Variants in PHACTR1 observed in about 807,000 individuals in gnomAD.
PHACTR1 encodes the protein phosphatase and actin regulator 1.
Under a neutral mutation model 69.2 loss-of-function variants are expected in PHACTR1, and 16 were observed. The ratio of observed to expected loss-of-function variants is 0.23; its 90% CI spans 0.16 to 0.35. The LOEUF is 0.35. Ranked by LOEUF, PHACTR1 falls within the 10% of genes least tolerant of loss-of-function variation. The pLI is 1.00. For synonymous variants in PHACTR1, 312 were observed against 284.5 expected, an observed-to-expected ratio of 1.10 and a Z score of -0.97; for missense variants, 510 against 734.7, an observed-to-expected ratio of 0.69 and a Z score of 3.54.
chr6:12,943,622 A>G (rs1790280817), intron 4 of PHACTR1, among the ~76,000 whole-genome samples: 2 of 152,248 alleles, frequency 1.3e-5, no homozygotes, highest in Non-Finnish European at 2.9e-5. Flanking sequence ...CACATTCTCT[A>G]TCCTCAAATA....
Position 13,047,019 on chromosome 6 carries a change from A to G in PHACTR1, c.251-6346A>G, listed in dbSNP as rs534275541. On this transcript the variant is annotated intron_variant, in intron 4 of 14. Transcript: ENST00000332995. ...ATAAGGTAGCTCTGAAAGTGACAGT[A>G]CATTTATAAAAGGGACCTTTCTGAA... 2.6e-5 allele frequency among the ~76,000 whole-genome samples: 4 copies of G among 152,288 alleles called. No individual in the cohort carries two copies. In the East Asian group the frequency reaches 7.7e-4, roughly 29 times the overall value.
intron 4 of PHACTR1, among the ~76,000 whole-genome samples, chr6:12,756,977 A>G (rs1767401789): frequency 6.6e-6 from 1 of 152,226 alleles, no homozygotes; most frequent in Non-Finnish European, 1.5e-5. Flanking sequence ...AACAAATAGC[A>G]TCTTACTTTC....
chr6:12,779,324 A>C (rs540708978), intron 4 of PHACTR1, among the ~76,000 whole-genome samples: 1 of 152,316 alleles, frequency 6.6e-6, no homozygotes, highest in East Asian at 1.9e-4. Context: ...AACAAGAGCA[A>C]AACTCCATCT....
chr6:13,017,185 CAAA>C (rs5874397), intron 4 of PHACTR1, among the ~76,000 whole-genome samples: 1 of 77,230 alleles, frequency 1.3e-5, no homozygotes, highest in Non-Finnish European at 2.3e-5. Flanking sequence ...GACTCTGTCT[CAAA>C]AAAAAAAAAA....
At chr6:12,981,817 CA>C (rs1312884424) in intron 4 of PHACTR1, among the ~76,000 whole-genome samples, 2 of 152,174 alleles carry the variant, frequency 1.3e-5, no homozygotes, top group African/African-American at 4.8e-5. Context: ...CGCATCTTGG[CA>C]TATATATTTT....
At chr6:13,118,089 C>T (rs1270309816) in intron 5 of PHACTR1, among the ~76,000 whole-genome samples, 3 of 152,132 alleles carry the variant, frequency 2.0e-5, no homozygotes, top group South Asian at 4.1e-4. Context: ...CTGTTTCTAC[C>T]GATGAATTAA....
intron 14 of PHACTR1, 149 bp from the exon 15 acceptor site, chr6:13,286,914 G>A: frequency 2.6e-6 from 2 of 763,220 alleles, no homozygotes; most frequent in Non-Finnish European, 4.2e-6. Flanking sequence ...AGCCAGGTGT[G>A]TGTTCAGTGG....
chr6:12,872,059 G>A (rs1782085713), intron 4 of PHACTR1, among the ~76,000 whole-genome samples: 1 of 151,598 alleles, frequency 6.6e-6, no homozygotes, highest in Non-Finnish European at 1.5e-5. Context: ...TATTTATTTT[G>A]AGACAGAATC....
At chr6:13,052,657 A>G (rs936765677) in intron 4 of PHACTR1, among the ~76,000 whole-genome samples, 24 of 152,176 alleles carry the variant, frequency 1.6e-4, no homozygotes, top group African/African-American at 5.3e-4. Context: ...CAAGTGTTCT[A>G]TTATTGGGAT....
intron 5 of PHACTR1, among the ~76,000 whole-genome samples, chr6:13,094,724 T>A (rs1407377547): frequency 6.6e-6 from 1 of 152,152 alleles, no homozygotes; most frequent in Non-Finnish European, 1.5e-5. Context: ...TATACTACAA[T>A]CTTTTGATGC....
chr6:12,930,887 C>T (rs536616010), intron 4 of PHACTR1, among the ~76,000 whole-genome samples: 176 of 150,686 alleles, frequency 1.2e-3, no homozygotes, highest in Admixed American at 2.4e-3. Flanking sequence ...CCCATCTCTA[C>T]TAAAAATACA....
chr6:12,861,988 T>G (rs989796019), intron 4 of PHACTR1, among the ~76,000 whole-genome samples: 1 of 152,210 alleles, frequency 6.6e-6, no homozygotes, highest in Non-Finnish European at 1.5e-5. Context: ...CATAAAACTA[T>G]GATTACCATG....
At chr6:13,099,123 G>T (rs562972141) in intron 5 of PHACTR1, among the ~76,000 whole-genome samples, 2 of 152,160 alleles carry the variant, frequency 1.3e-5, no homozygotes, top group Non-Finnish European at 2.9e-5. Flanking sequence ...ATGTGACCTC[G>T]CAGTCTTCAC....
intron 4 of PHACTR1, among the ~76,000 whole-genome samples, chr6:12,813,565 T>C (rs916289760): frequency 6.6e-6 from 1 of 152,146 alleles, no homozygotes; most frequent in Non-Finnish European, 1.5e-5. Context: ...GTGAGTGTGC[T>C]CCTGCCATCC....
chr6:13,160,979 T>A (rs1014813206), intron 6 of PHACTR1, among the ~76,000 whole-genome samples: 2 of 152,130 alleles, frequency 1.3e-5, no homozygotes, highest in African/African-American at 4.8e-5. Context: ...GTATTTTAGT[T>A]TATTATGTAT....
intron 4 of PHACTR1, among the ~76,000 whole-genome samples, chr6:12,945,772 G>C (rs1014391575): frequency 6.6e-6 from 1 of 151,792 alleles, no homozygotes; most frequent in Non-Finnish European, 1.5e-5. Flanking sequence ...GAGACCAGCC[G>C]AGCCAACATG....
chr6:12,983,949 A>G (rs959151415), intron 4 of PHACTR1, among the ~76,000 whole-genome samples: 2 of 152,158 alleles, frequency 1.3e-5, no homozygotes, highest in Admixed American at 1.3e-4. Context: ...TCTATCATTG[A>G]TGGACATTTG....
intron 10 of PHACTR1, among the ~76,000 whole-genome samples, chr6:13,244,075 C>G (rs960622483): frequency 2.0e-5 from 3 of 152,088 alleles, no homozygotes; most frequent in African/African-American, 7.2e-5. Context: ...CATCGGCTGG[C>G]TTGAGAAATA....
chr6:12,739,447 G>A (rs776008211), intron 3 of PHACTR1, among the ~76,000 whole-genome samples: 4 of 151,992 alleles, frequency 2.6e-5, no homozygotes, highest in African/African-American at 4.8e-5. Context: ...TTAATACTGT[G>A]GTTTTCTAAG....
Sources: allele counts gnomAD v4.1 joint callset (sites outside exome capture counted in the v4.1 genomes callset), GRCh38; gene constraint gnomAD v4.1.1; transcripts MANE v1.5; gene names NCBI Gene and HGNC (gene_info 2026-07-23, HGNC 2026-07-21).